SMG6: variants seen among roughly 807,000 people sequenced by gnomAD.
SMG6 encodes the protein SMG6 nonsense mediated mRNA decay factor, also known as telomerase-binding protein EST1A.
Under a neutral mutation model 142.2 loss-of-function variants are expected in SMG6, and 66 were observed. That is an observed-to-expected ratio of 0.46 (90% CI 0.38 to 0.57). The LOEUF (loss-of-function observed/expected upper bound fraction) is 0.57, where lower values mean the gene tolerates loss of function less well. Among genes scored for constraint, SMG6 ranks in the 20% least tolerant of loss-of-function variants. The pLI is 0.00. For missense variants in SMG6, 1,793 were observed against 1,832.0 expected, an observed-to-expected ratio of 0.98 and a Z score of 0.39; for synonymous variants, 779 against 702.4, an observed-to-expected ratio of 1.11 and a Z score of -1.72.
chr17:2,098,817 G>C (rs976027345), intron 13 of SMG6, among the ~76,000 whole-genome samples: 1 of 150,556 alleles, frequency 6.6e-6, no homozygotes, highest in African/African-American at 2.4e-5. Context: ...TTTTAATAGA[G>C]ACGGAGCTTC....
chr17:2,097,269 C>G (rs1194255525), intron 13 of SMG6, among the ~76,000 whole-genome samples: 1 of 151,962 alleles, frequency 6.6e-6, no homozygotes, highest in Non-Finnish European at 1.5e-5. Flanking sequence ...ATCCTCCCAC[C>G]TCAGCCTCCC....
intron 10 of SMG6, among the ~76,000 whole-genome samples, chr17:2,208,087 C>G (rs1455548845): frequency 6.6e-6 from 1 of 152,096 alleles, no homozygotes; most frequent in Non-Finnish European, 1.5e-5. Context: ...AATGTTCGTG[C>G]CACCGCACTC....
chr17:2,120,401 G>A (rs138788355), intron 13 of SMG6, among the ~76,000 whole-genome samples: 6 of 152,302 alleles, frequency 3.9e-5, no homozygotes, highest in Non-Finnish European at 8.8e-5. Flanking sequence ...TCATAAGGAA[G>A]ATAGGCAAAA....
At chr17:2,120,263 G>C (rs1245219055) in intron 13 of SMG6, among the ~76,000 whole-genome samples, 1 of 152,138 alleles carries the variant, frequency 6.6e-6, no homozygotes, top group Non-Finnish European at 1.5e-5. Flanking sequence ...AAAATGAATA[G>C]GTAAGACACA....
At chr17:2,277,292 G>T (rs545228742) in intron 8 of SMG6, among the ~76,000 whole-genome samples, 12 of 151,028 alleles carry the variant, frequency 7.9e-5, no homozygotes, top group Admixed American at 4.6e-4. Context: ...TCAGCCTCCC[G>T]AGTAGCTGGG....
chr17:2,110,596 C>G (rs1311982383), intron 13 of SMG6, among the ~76,000 whole-genome samples: 2 of 152,152 alleles, frequency 1.3e-5, no homozygotes, highest in African/African-American at 2.4e-5. Context: ...ATGGAAAGAT[C>G]TGGCGGAAGC....
At chr17:2,194,155 G>A (rs2072247853) in intron 10 of SMG6, among the ~76,000 whole-genome samples, 1 of 152,144 alleles carries the variant, frequency 6.6e-6, no homozygotes, top group African/African-American at 2.4e-5. Flanking sequence ...GGATGCAGGG[G>A]GGACCACATG....
At chr17:2,284,106 C>T (rs949571039) in intron 6 of SMG6, among the ~76,000 whole-genome samples, 4 of 152,168 alleles carry the variant, frequency 2.6e-5, no homozygotes, top group Non-Finnish European at 5.9e-5. Flanking sequence ...AATGAAATCA[C>T]GAAATTACAA....
In SMG6 at chr17:2,271,588, G is replaced by A. The variant is rs539460340; in HGVS notation, c.2661+11059C>T. Among the ~76,000 whole-genome samples, 43 of 152,128 alleles carry A rather than the reference G, an allele frequency of 2.8e-4. 2 individuals are homozygous for A. Among genetic ancestry groups the A allele is most frequent in the African/African-American group, 9.6e-4 (40 of 41,520 alleles). The stretch of plus-strand genomic sequence containing the variant: ...AAATTAGCTGGGCATGATGGCGGGC[G>A]CCTGTAGTCCCAGCTACTCAGGAGG... On this transcript the variant is annotated intron_variant, in intron 8 of 18. Transcript: ENST00000263073.
Position 2,244,727 on chromosome 17 carries a change from G to C in SMG6, c.2662-8C>G. The C allele has an allele frequency of 6.2e-7, 1 of 1,611,780 alleles. No homozygotes were observed. Among genetic ancestry groups the C allele is most frequent in the Non-Finnish European group, 8.5e-7 (1 of 1,178,022 alleles). ...GATGAACCTTTTGTTCAGCTGCATGGGAAAAAGGGAGAGGAGAAAACAATT... is the reference window on the plus strand; with the variant it reads ...GATGAACCTTTTGTTCAGCTGCATGCGAAAAAGGGAGAGGAGAAAACAATT... On this transcript the variant is annotated splice_polypyrimidine_tract_variant and splice_region_variant and intron_variant, in intron 8 of 18. Coordinates refer to ENST00000263073, the MANE Select transcript of SMG6 (RefSeq NM_017575.5).
intron 10 of SMG6, among the ~76,000 whole-genome samples, chr17:2,230,058 T>C (rs1480493119): frequency 6.6e-6 from 1 of 150,664 alleles, no homozygotes; most frequent in Non-Finnish European, 1.5e-5. Flanking sequence ...TGGTGGCCTG[T>C]GCCTGTAATC....
chr17:2,259,143 A>G (rs1388663473), intron 8 of SMG6, among the ~76,000 whole-genome samples: 2 of 152,088 alleles, frequency 1.3e-5, no homozygotes, highest in Non-Finnish European at 2.9e-5. Flanking sequence ...ATGTTTCTAT[A>G]AAGACCAAAA....
intron 16 of SMG6, among the ~76,000 whole-genome samples, chr17:2,067,830 C>T (rs1021607825): frequency 3.9e-5 from 6 of 152,184 alleles, no homozygotes; most frequent in African/African-American, 1.4e-4. Context: ...GGCACTAAGA[C>T]ACTTGGGACT....
intron 11 of SMG6, 151 bp downstream of exon 11, chr17:2,188,248 G>C: frequency 1.5e-6 from 1 of 669,908 alleles, no homozygotes; most frequent in East Asian, 2.6e-5. Context: ...AATGGGACTA[G>C]TTAGGCAGGC....
chr17:2,147,378 G>A lies in SMG6; in HGVS notation c.3357+25280C>T, dbSNP rs112748261. Among the ~76,000 whole-genome samples the A allele has an allele frequency of 9.9e-3, 1,512 of 152,138 alleles. 31 individuals carry two copies. The highest frequency in any genetic ancestry group is 0.034 in the African/African-American group (1,391 of 41,486). ...ACTGCACTCCAGCCTGGGTGACAGA[G>A]CAAGACTACATCTCAAAAAAACAGC... On this transcript the variant is annotated intron_variant, in intron 13 of 18. Coordinates refer to ENST00000263073, the MANE Select transcript of SMG6 (RefSeq NM_017575.5).
intron 10 of SMG6, chr17:2,235,811 C>G (rs1240630491): frequency 6.6e-6 from 1 of 152,630 alleles, no homozygotes; most frequent in East Asian, 1.9e-4. Flanking sequence ...TCCTTTGACC[C>G]TGACCTGGTC....
Position 2,299,343 on chromosome 17 carries a change from CTGAGTCTT to C in SMG6, c.1402_1409del (p.Lys468AspfsTer10). On this transcript the variant is annotated frameshift_variant, in exon 2 of 19. Coordinates refer to ENST00000263073, the MANE Select transcript of SMG6 (RefSeq NM_017575.5). LOFTEE classifies it high-confidence loss of function. This position sits in a 1 kb window ranked among gnomAD's most constrained non-coding sequence, Gnocchi z 4.3. ...TGTCCAAGAAATGTAGCTGGGGCGT[CTGAGTCTT>C]TAGAGCAGGTTTCTGATCAGGATTG... 6.2e-7 allele frequency: 1 copy of C among 1,614,088 alleles called. No individual in the cohort carries two copies. Among genetic ancestry groups the C allele is most frequent in the Non-Finnish European group, 8.5e-7 (1 of 1,180,032 alleles).
chr17:2,275,556 T>TA (rs1388200883), intron 8 of SMG6, among the ~76,000 whole-genome samples: 1 of 152,182 alleles, frequency 6.6e-6, no homozygotes, highest in Non-Finnish European at 1.5e-5. Flanking sequence ...CAATCAGATC[T>TA]AAAAAATCCT....
intron 8 of SMG6, among the ~76,000 whole-genome samples, chr17:2,266,908 A>T (rs1028413364): frequency 6.6e-6 from 1 of 152,162 alleles, no homozygotes; most frequent in African/African-American, 2.4e-5. Flanking sequence ...CACATTATCA[A>T]CATCTGAAAA....
Sources: allele counts gnomAD v4.1 joint callset (sites outside exome capture counted in the v4.1 genomes callset), GRCh38; gene constraint gnomAD v4.1.1; non-coding constraint Gnocchi (gnomAD v3.1); transcripts MANE v1.5; gene names NCBI Gene and HGNC (gene_info 2026-07-23, HGNC 2026-07-21).